OXSR1: variants seen among roughly 807,000 people sequenced by gnomAD.
OXSR1 encodes serine/threonine-protein kinase OSR1.
OXSR1 carries 24 observed loss-of-function variants against 79.8 expected under a neutral mutation model. That is an observed-to-expected ratio of 0.30 (90% CI 0.22 to 0.42). OXSR1 has a LOEUF of 0.42. Among genes scored for constraint, OXSR1 ranks in the 10% least tolerant of loss-of-function variants. The pLI, the probability that OXSR1 is intolerant of heterozygous loss-of-function variation, is 1.00. For missense variants in OXSR1, 430 were observed against 618.4 expected, an observed-to-expected ratio of 0.70 and a Z score of 3.23; for synonymous variants, 226 against 209.2, an observed-to-expected ratio of 1.08 and a Z score of -0.69.
At chr3:38,175,763 T>G (rs577096803) in intron 1 of OXSR1, among the ~76,000 whole-genome samples, 1 of 152,358 alleles carries the variant, frequency 6.6e-6, no homozygotes, top group African/African-American at 2.4e-5. Flanking sequence ...TTCTGCACAT[T>G]AATTTATTCT....
At chr3:38,222,081 G>A (rs1237334149) in intron 6 of OXSR1, among the ~76,000 whole-genome samples, 1 of 152,090 alleles carries the variant, frequency 6.6e-6, no homozygotes, top group Non-Finnish European at 1.5e-5. Context: ...TCAGTATGCT[G>A]CGAACCGAAT....
chr3:38,171,565 C>G (rs949935264), intron 1 of OXSR1, among the ~76,000 whole-genome samples: 2 of 152,108 alleles, frequency 1.3e-5, no homozygotes, highest in Non-Finnish European at 2.9e-5. Flanking sequence ...GATTGTTTCT[C>G]ACATTCTGTT....
intron 1 of OXSR1, among the ~76,000 whole-genome samples, chr3:38,175,229 A>G (rs1701655594): frequency 6.6e-6 from 1 of 152,210 alleles, no homozygotes; most frequent in African/African-American, 2.4e-5. Flanking sequence ...TTAGGAGAAA[A>G]TGTGTTCATT....
At chr3:38,185,010 C>T (rs1701857441) in intron 2 of OXSR1, among the ~76,000 whole-genome samples, 1 of 134,230 alleles carries the variant, frequency 7.4e-6, no homozygotes, top group Admixed American at 8.3e-5. Flanking sequence ...GTGGCGCGAT[C>T]TCGGCTCACT....
At chr3:38,171,193 T>A (rs74901733) in intron 1 of OXSR1, among the ~76,000 whole-genome samples, 2 of 152,016 alleles carry the variant, frequency 1.3e-5, no homozygotes, top group African/African-American at 2.4e-5. Context: ...AGAAAAAAAA[T>A]TTTTTTTCTT....
At chr3:38,247,295 C>CT (rs1703160657) in intron 13 of OXSR1, among the ~76,000 whole-genome samples, 1 of 152,114 alleles carries the variant, frequency 6.6e-6, no homozygotes, top group South Asian at 2.1e-4. Context: ...GGTTCAGGGT[C>CT]TACCTTTTGT....
chr3:38,180,936 A>G (rs1701773337), intron 1 of OXSR1, among the ~76,000 whole-genome samples: 1 of 152,078 alleles, frequency 6.6e-6, no homozygotes, highest in Admixed American at 6.5e-5. Context: ...CCACCCAGAC[A>G]ATTTAGGATA....
chr3:38,245,227 A>G (rs1046140866), intron 12 of OXSR1, among the ~76,000 whole-genome samples: 2 of 152,006 alleles, frequency 1.3e-5, no homozygotes, highest in African/African-American at 2.4e-5. Flanking sequence ...TTCTCTTTCA[A>G]CTTTACATTT....
chr3:38,220,805 A>G (rs1021332682), intron 5 of OXSR1, among the ~76,000 whole-genome samples: 1 of 152,198 alleles, frequency 6.6e-6, no homozygotes, highest in Non-Finnish European at 1.5e-5. Flanking sequence ...CAAATCAGGT[A>G]TGCCCAGGGA....
chr3:38,202,637 T>A (rs1344639871), intron 4 of OXSR1, among the ~76,000 whole-genome samples: 4 of 152,250 alleles, frequency 2.6e-5, no homozygotes, highest in Non-Finnish European at 5.9e-5. Flanking sequence ...ATAGTCATAA[T>A]ACAAATTAGA....
chr3:38,222,870 A>G (rs1176410270), intron 6 of OXSR1, among the ~76,000 whole-genome samples: 2 of 152,172 alleles, frequency 1.3e-5, no homozygotes, highest in African/African-American at 4.8e-5. Flanking sequence ...AAGTTTCAGG[A>G]CGTATGAGCA....
chr3:38,193,784 A>G (rs1287761746), intron 3 of OXSR1, among the ~76,000 whole-genome samples: 1 of 152,150 alleles, frequency 6.6e-6, no homozygotes, highest in East Asian at 1.9e-4. Flanking sequence ...CCTAGCACTC[A>G]GCAGATTTCC....
At chr3:38,166,001 G>A in intron 1 of OXSR1, 55 bp downstream of exon 1, 2 of 1,491,184 alleles carry the variant, frequency 1.3e-6, no homozygotes, top group Non-Finnish European at 1.9e-6. Flanking sequence ...CGGGGGACAC[G>A]GGAACGTGGG....
chr3:38,190,645 G>C, intron 2 of OXSR1, 86 bp from the exon 3 acceptor site: 1 of 764,770 alleles, frequency 1.3e-6, no homozygotes, highest in African/African-American at 1.7e-5. Context: ...ACACAGTCTT[G>C]AGATTTCAAA....
chr3:38,222,457 G>T (rs1361949638), intron 6 of OXSR1, among the ~76,000 whole-genome samples: 1 of 152,130 alleles, frequency 6.6e-6, no homozygotes, highest in African/African-American at 2.4e-5. Context: ...AAGGAGGATT[G>T]TTGGGCTAGG....
Position 38,245,936 on chromosome 3 carries a change from T to C in OXSR1, c.1111-139T>C, listed in dbSNP as rs906677053. 6.0e-6 allele frequency: 4 copies of C among 672,222 alleles called. No individual in the cohort carries two copies. The East Asian group carries it at 7.5e-5, about 13-fold the overall frequency. 41.6% of individuals were successfully genotyped at this position (672,222 alleles called of 1,614,324 possible). On this transcript the variant is annotated intron_variant, in intron 12 of 17. Transcript: ENST00000311806. ...ATTTGACTTCCGTTTGGAATAGATA[T>C]ATTCGGAGTAGACACAAAACCTGTA...
At position 38,190,781 on chromosome 3, in the gene OXSR1, C is replaced by G. The variant is rs1701967400; in HGVS notation, c.234C>G (p.Tyr78Ter). ...GCCATCATCCTAATATTGTATCTTACTACACATCTTTTGTGGTAAAAGATG... is the reference window on the plus strand; with the variant it reads ...GCCATCATCCTAATATTGTATCTTAGTACACATCTTTTGTGGTAAAAGATG... The part of the protein sequence containing the change: ...SQCHHPNIVS[Y>*]YTSFVVKDEL... The change falls in exon 3 of 18, where the codon TAC becomes TAG. Residue 78 changes from tyrosine (Y) to a stop codon, truncating the protein, a stop_gained. Coordinates refer to ENST00000311806, the MANE Select transcript of OXSR1 (RefSeq NM_005109.3). LOFTEE classifies it high-confidence loss of function. 6.2e-7 allele frequency: 1 copy of G among 1,609,754 alleles called. No individual in the cohort carries two copies. The highest frequency in any genetic ancestry group is 8.5e-7 in the Non-Finnish European group (1 of 1,176,310).
At chr3:38,180,304 T>C (rs1167482659) in intron 1 of OXSR1, among the ~76,000 whole-genome samples, 1 of 152,162 alleles carries the variant, frequency 6.6e-6, no homozygotes, top group East Asian at 1.9e-4. Flanking sequence ...TCAACTGTAC[T>C]CATTAGCTGT....
chr3:38,251,356 G>A, intron 15 of OXSR1, 47 bp from the exon 16 acceptor site: 2 of 1,491,830 alleles, frequency 1.3e-6, no homozygotes, highest in South Asian at 1.1e-5. Context: ...AGTTAACAGT[G>A]GCAAGCACGC....
Sources: gnomAD v4.1 joint callset for allele counts (sites outside exome capture counted in the v4.1 genomes callset) on GRCh38, gnomAD v4.1.1 for gene constraint, MANE v1.5 for transcripts, NCBI Gene and HGNC (gene_info 2026-07-23, HGNC 2026-07-21) for gene names.